Variants in CLVS1 observed in about 807,000 individuals in gnomAD.
CLVS1 encodes clavesin-1.
Under a neutral mutation model 33.1 loss-of-function variants are expected in CLVS1, and 10 were observed. That is an observed-to-expected ratio of 0.30 (90% CI 0.19 to 0.51). The LOEUF (loss-of-function observed/expected upper bound fraction) is 0.51, where lower values mean the gene tolerates loss of function less well. Among genes scored for constraint, CLVS1 ranks in the 20% least tolerant of loss-of-function variants. The pLI, the probability that CLVS1 is intolerant of heterozygous loss-of-function variation, is 0.97. For missense variants in CLVS1, 343 were observed against 433.4 expected, an observed-to-expected ratio of 0.79 and a Z score of 1.85; for synonymous variants, 163 against 166.1, an observed-to-expected ratio of 0.98 and a Z score of 0.14.
chr8:61,490,790 C>G (rs1161344121), intron 5 of CLVS1, among the ~76,000 whole-genome samples: 1 of 151,810 alleles, frequency 6.6e-6, no homozygotes, highest in African/African-American at 2.4e-5. Flanking sequence ...GAAACCCCGT[C>G]TCTACTAAAA....
At chr8:61,095,240 G>A (rs1209894822) in intron 1 of CLVS1, among the ~76,000 whole-genome samples, 1 of 152,130 alleles carries the variant, frequency 6.6e-6, no homozygotes, top group East Asian at 1.9e-4. Flanking sequence ...AATTAAAGAA[G>A]AAAAACCAAC....
chr8:61,223,391 A>T (rs1808263110), intron 2 of CLVS1, among the ~76,000 whole-genome samples: 1 of 152,150 alleles, frequency 6.6e-6, no homozygotes, highest in African/African-American at 2.4e-5. Flanking sequence ...GAAATCTCTC[A>T]GCATTTGCTT....
At chr8:61,302,459 G>A (rs144866332) in intron 2 of CLVS1, among the ~76,000 whole-genome samples, 109 of 152,242 alleles carry the variant, frequency 7.2e-4, no homozygotes, top group African/African-American at 2.2e-3. Context: ...TGAGGACAGC[G>A]ATGAGAACAT....
chr8:61,272,072 C>A (rs1165634971), intron 2 of CLVS1, among the ~76,000 whole-genome samples: 1 of 150,932 alleles, frequency 6.6e-6, no homozygotes, highest in African/African-American at 2.4e-5. Context: ...TTAGTTGATG[C>A]AGTTTCTTCC....
chr8:61,097,972 T>C (rs544339592), intron 1 of CLVS1, among the ~76,000 whole-genome samples: 106 of 152,268 alleles, frequency 7.0e-4, no homozygotes, highest in African/African-American at 2.5e-3. Context: ...CTGGGCAACA[T>C]TGTGATACTC....
the CLVS1 span, among the ~76,000 whole-genome samples, chr8:60,988,589 A>G: frequency 6.6e-6 from 1 of 152,226 alleles, no homozygotes; most frequent in Non-Finnish European, 1.5e-5. Flanking sequence ...TATTCTCAAT[A>G]CTAATTCTGT....
chr8:61,030,315 G>A, the CLVS1 span, among the ~76,000 whole-genome samples: 5 of 146,620 alleles, frequency 3.4e-5, no homozygotes, highest in South Asian at 2.2e-4. Context: ...GGGGTGGGGG[G>A]GCGCAAATCC....
rs567619758 is a variant in CLVS1 at position 61,073,761 on chromosome 8, C to T, written c.-243+16531C>T. Among the ~76,000 whole-genome samples, 232 of 150,626 alleles carry T rather than the reference C, an allele frequency of 1.5e-3. 2 individuals carry two copies. Among genetic ancestry groups the T allele is most frequent in the African/African-American group, 5.4e-3 (220 of 41,046 alleles). On this transcript the variant is annotated intron_variant, in intron 1 of 2. Transcript: ENST00000522621. ...GGCGCAGTGGCTCACACCTGTAATC[C>T]CAGCACTTTGGGAGGCCGAGGCAGG...
chr8:61,064,563 A>G (rs1275309509), intron 1 of CLVS1, among the ~76,000 whole-genome samples: 1 of 141,238 alleles, frequency 7.1e-6, no homozygotes, highest in African/African-American at 2.6e-5. Context: ...TTTTTGAGAC[A>G]GAGATTCAGT....
chr8:61,331,198 T>G (rs1333276092), intron 2 of CLVS1, among the ~76,000 whole-genome samples: 1 of 152,196 alleles, frequency 6.6e-6, no homozygotes, highest in African/African-American at 2.4e-5. Context: ...TTTGTTAAGC[T>G]TCCAATATTG....
intron 2 of CLVS1, among the ~76,000 whole-genome samples, chr8:61,181,918 G>A (rs895366536): frequency 1.3e-5 from 2 of 151,814 alleles, no homozygotes; most frequent in Non-Finnish European, 2.9e-5. Flanking sequence ...AGCCAGGATG[G>A]TCTCGATCTC....
chr8:61,107,089 C>G (rs907647624), intron 1 of CLVS1, among the ~76,000 whole-genome samples: 1 of 152,176 alleles, frequency 6.6e-6, no homozygotes, highest in Non-Finnish European at 1.5e-5. Flanking sequence ...TTAGACACTT[C>G]CATTCATTTT....
chr8:61,315,888 C>A (rs537602780), intron 2 of CLVS1, among the ~76,000 whole-genome samples: 88 of 152,252 alleles, frequency 5.8e-4, no homozygotes, highest in Non-Finnish European at 1.1e-3. Flanking sequence ...TAGCCCCCAA[C>A]TCCCCAATAG....
intron 2 of CLVS1, among the ~76,000 whole-genome samples, chr8:61,185,198 C>G (rs1807320196): frequency 6.6e-6 from 1 of 150,952 alleles, no homozygotes; most frequent in Admixed American, 6.6e-5. Flanking sequence ...GGCTAGAGTG[C>G]AGTGGCAGCG....
chr8:61,068,567 C>T (rs1055451370), intron 1 of CLVS1, among the ~76,000 whole-genome samples: 3 of 152,134 alleles, frequency 2.0e-5, no homozygotes, highest in African/African-American at 7.2e-5. Context: ...GACCCATTCT[C>T]AATTCCTGCT....
At chr8:61,156,319 T>G (rs1256689666) in intron 2 of CLVS1, among the ~76,000 whole-genome samples, 2 of 151,840 alleles carry the variant, frequency 1.3e-5, no homozygotes, top group East Asian at 3.9e-4. Context: ...ATTCATTCTG[T>G]AACCTCAGGA....
chr8:61,349,345 A>G (rs1418438669), intron 2 of CLVS1, among the ~76,000 whole-genome samples: 4 of 152,138 alleles, frequency 2.6e-5, no homozygotes, highest in African/African-American at 4.8e-5. Flanking sequence ...ATTAAAAAAT[A>G]ATAATTTTTC....
chr8:61,217,823 A>G (rs1808122015), intron 2 of CLVS1, among the ~76,000 whole-genome samples: 1 of 152,150 alleles, frequency 6.6e-6, no homozygotes, highest in South Asian at 2.1e-4. Flanking sequence ...AAAAACCCCA[A>G]TTTAAAAAAT....
At chr8:60,991,742 C>CTATT in the CLVS1 span, among the ~76,000 whole-genome samples, 10 of 134,260 alleles carry the variant, frequency 7.4e-5, no homozygotes, top group African/African-American at 2.8e-4. Flanking sequence ...TCAAGCCCCA[C>CTATT]TCTTTTTTTT....
Sources: gnomAD v4.1 joint callset for allele counts (sites outside exome capture counted in the v4.1 genomes callset) on GRCh38, gnomAD v4.1.1 for gene constraint, MANE v1.5 for transcripts, NCBI Gene and HGNC (gene_info 2026-07-23, HGNC 2026-07-21) for gene names.